SORCS3: variants seen among roughly 807,000 people sequenced by gnomAD.
SORCS3 encodes the protein sortilin related VPS10 domain containing receptor 3.
SORCS3 carries 57 observed loss-of-function variants against 146.3 expected under a neutral mutation model. The ratio of observed to expected loss-of-function variants is 0.39; its 90% CI spans 0.31 to 0.49. The LOEUF is 0.49. Among genes scored for constraint, SORCS3 ranks in the 20% least tolerant of loss-of-function variants. The pLI is 0.92. For synonymous variants in SORCS3, 653 were observed against 618.5 expected (o/e 1.06, Z -0.83); for missense variants, 1,341 against 1,575.5 (o/e 0.85, Z 2.52).
chr10:105,036,068 A>G (rs2055304308), intron 4 of SORCS3, among the ~76,000 whole-genome samples: 1 of 152,128 alleles, frequency 6.6e-6, no homozygotes, highest in Non-Finnish European at 1.5e-5. Context: ...AAGATGTGGC[A>G]CTTAGACCAA....
intron 1 of SORCS3, among the ~76,000 whole-genome samples, chr10:104,707,338 C>A (rs944101069): frequency 6.6e-6 from 1 of 152,076 alleles, no homozygotes; most frequent in African/African-American, 2.4e-5. Context: ...ATAGTGTCAG[C>A]CATTCAGTAA....
chr10:104,947,872 C>T (rs1781246062), intron 3 of SORCS3, among the ~76,000 whole-genome samples: 1 of 152,134 alleles, frequency 6.6e-6, no homozygotes, highest in South Asian at 2.1e-4. Context: ...GCCTCGGCCT[C>T]CCAAAGTGCT....
chr10:104,801,972 AC>A (rs2017629399), intron 1 of SORCS3, among the ~76,000 whole-genome samples: 1 of 152,136 alleles, frequency 6.6e-6, no homozygotes, highest in Non-Finnish European at 1.5e-5. Context: ...TCTGAGACCT[AC>A]TTCCCATTGC....
chr10:105,119,948 T>C (rs2055919981), intron 7 of SORCS3, among the ~76,000 whole-genome samples: 2 of 152,116 alleles, frequency 1.3e-5, no homozygotes, highest in Admixed American at 6.5e-5. Context: ...TGGAAAGGCA[T>C]TATTGTGTTT....
chr10:104,671,509 A>AT (rs141898694), intron 1 of SORCS3, among the ~76,000 whole-genome samples: 91 of 143,418 alleles, frequency 6.3e-4, no homozygotes, highest in South Asian at 4.0e-3. Context: ...TAACTTAAAT[A>AT]TTTTTTTTTT....
intron 1 of SORCS3, among the ~76,000 whole-genome samples, chr10:104,765,627 T>C (rs933927548): frequency 6.6e-6 from 1 of 152,178 alleles, no homozygotes; most frequent in Non-Finnish European, 1.5e-5. Context: ...CTAGATAGCT[T>C]TCTTGGCATA....
Position 105,108,406 on chromosome 10 carries a change from C to T in SORCS3, c.1212+2891C>T, listed in dbSNP as rs148823263. Among the ~76,000 whole-genome samples the T allele has an allele frequency of 2.1e-3, 320 of 152,158 alleles. 2 individuals carry two copies. Among genetic ancestry groups the T allele is most frequent in the African/African-American group, 7.2e-3 (300 of 41,504 alleles). On this transcript the variant is annotated intron_variant, in intron 7 of 26. Coordinates refer to ENST00000369701, the MANE Select transcript of SORCS3 (RefSeq NM_014978.3). ...TTTTAGACCACACAGAATTGCCAGT[C>T]GCAGCTGAGTTGATCTATTGTAAAG...
At chr10:104,714,990 A>C (rs1233921444) in intron 1 of SORCS3, among the ~76,000 whole-genome samples, 46 of 152,124 alleles carry the variant, frequency 3.0e-4, no homozygotes, top group Admixed American at 3.0e-3. Flanking sequence ...GGTTGGGAGG[A>C]ATGAGTATAA....
intron 5 of SORCS3, among the ~76,000 whole-genome samples, chr10:105,067,821 G>C (rs1033518750): frequency 1.3e-5 from 2 of 151,924 alleles, no homozygotes; most frequent in Non-Finnish European, 2.9e-5. Context: ...GTCCTTCCTT[G>C]ATCATGATTT....
chr10:104,700,051 T>G (rs2016261785), intron 1 of SORCS3, among the ~76,000 whole-genome samples: 1 of 152,148 alleles, frequency 6.6e-6, no homozygotes, highest in Non-Finnish European at 1.5e-5. Context: ...AAGCATTGCC[T>G]AAGGTTGGGC....
chr10:105,052,647 A>G (rs1480270248), intron 5 of SORCS3, among the ~76,000 whole-genome samples: 2 of 152,058 alleles, frequency 1.3e-5, no homozygotes, highest in African/African-American at 2.4e-5. Flanking sequence ...ATGTTACATT[A>G]AAAAATGGGG....
intron 3 of SORCS3, among the ~76,000 whole-genome samples, chr10:104,974,162 T>A (rs1446036935): frequency 1.3e-5 from 2 of 152,190 alleles, no homozygotes; most frequent in East Asian, 3.8e-4. Flanking sequence ...CTGAAAAGAA[T>A]GTATATTTTT....
chr10:105,026,502 T>C (rs2055232331), intron 4 of SORCS3, among the ~76,000 whole-genome samples: 1 of 152,198 alleles, frequency 6.6e-6, no homozygotes, highest in Non-Finnish European at 1.5e-5. Flanking sequence ...AAATAAATTG[T>C]TCTACCAAAA....
intron 1 of SORCS3, among the ~76,000 whole-genome samples, chr10:104,674,009 G>A (rs556583227): frequency 3.7e-4 from 57 of 152,236 alleles, no homozygotes; most frequent in African/African-American, 1.3e-3. Context: ...CATTTTCGGT[G>A]TCCATTTCAA....
At chr10:104,963,595 A>C (rs1169009245) in intron 3 of SORCS3, among the ~76,000 whole-genome samples, 2 of 152,028 alleles carry the variant, frequency 1.3e-5, no homozygotes, top group Non-Finnish European at 2.9e-5. Context: ...TTATCTCCAG[A>C]TTCATGTCTT....
intron 4 of SORCS3, among the ~76,000 whole-genome samples, chr10:104,980,946 T>C (rs1429042273): frequency 6.6e-6 from 1 of 152,014 alleles, no homozygotes; most frequent in Non-Finnish European, 1.5e-5. Flanking sequence ...GGCTGTTGGG[T>C]TGTGAGTTAA....
chr10:104,716,351 CAGG>C (rs1260742108), intron 1 of SORCS3, among the ~76,000 whole-genome samples: 2 of 152,072 alleles, frequency 1.3e-5, no homozygotes, highest in Non-Finnish European at 2.9e-5. Context: ...ATAAATATTG[CAGG>C]AGATGTTAAA....
chr10:104,885,847 A>G (rs1300272433), intron 2 of SORCS3, among the ~76,000 whole-genome samples: 18 of 152,214 alleles, frequency 1.2e-4, no homozygotes, highest in Non-Finnish European at 2.6e-4. Context: ...CTGAAGCTGA[A>G]TAGTTGAAAC....
intron 4 of SORCS3, among the ~76,000 whole-genome samples, chr10:105,034,039 A>G (rs1056376108): frequency 6.6e-6 from 1 of 152,196 alleles, no homozygotes; most frequent in Admixed American, 6.5e-5. Flanking sequence ...TGGGGTTATT[A>G]AGGAAGGAAT....
Sources: allele counts gnomAD v4.1 joint callset (sites outside exome capture counted in the v4.1 genomes callset), GRCh38; gene constraint gnomAD v4.1.1; transcripts MANE v1.5; gene names NCBI Gene and HGNC (gene_info 2026-07-23, HGNC 2026-07-21).